The following SLC4A4 variants were observed in gnomAD, a reference collection of about 807,000 sequenced individuals.
SLC4A4 encodes the protein solute carrier family 4 member 4, also known as electrogenic sodium bicarbonate cotransporter 1.
In SLC4A4, 27 loss-of-function variants were observed where a neutral mutation model predicts 111.5. That is an observed-to-expected ratio of 0.24 (90% CI 0.18 to 0.33). The LOEUF (loss-of-function observed/expected upper bound fraction) is 0.33. Among genes scored for constraint, SLC4A4 ranks in the 10% least tolerant of loss-of-function variants. The probability of loss-of-function intolerance (pLI) is 1.00; values close to 1 mark genes in which losing one functional copy is unlikely to be tolerated. For synonymous variants in SLC4A4, 443 were observed against 463.4 expected (o/e 0.96, Z 0.57); for missense variants, 909 against 1,315.5 (o/e 0.69, Z 4.78).
At chr4:71,286,113 G>A (rs961279212) in intron 3 of SLC4A4, among the ~76,000 whole-genome samples, 12 of 152,102 alleles carry the variant, frequency 7.9e-5, no homozygotes, top group South Asian at 4.1e-4. Flanking sequence ...GGTGGCGGGC[G>A]CCTATAGTCC....
At chr4:71,369,183 G>T (rs187804902) in intron 6 of SLC4A4, among the ~76,000 whole-genome samples, 2 of 152,186 alleles carry the variant, frequency 1.3e-5, no homozygotes, top group Non-Finnish European at 2.9e-5. Flanking sequence ...GGCGGTGGTC[G>T]GGAGAGGGAG....
At chr4:71,101,033 G>A (rs1006003959) in intron 2 of SLC4A4, among the ~76,000 whole-genome samples, 46 of 152,344 alleles carry the variant, frequency 3.0e-4, no homozygotes, top group African/African-American at 1.1e-3. Flanking sequence ...GCTGAGGCAG[G>A]TGGATCACGA....
chr4:71,251,792 T>C (rs1721088487), intron 2 of SLC4A4, among the ~76,000 whole-genome samples: 1 of 152,186 alleles, frequency 6.6e-6, no homozygotes, highest in South Asian at 2.1e-4. Context: ...CCACTCCTCC[T>C]TTTTACATTA....
At chr4:71,077,164 CTTT>C (rs746128471) in intron 1 of SLC4A4, among the ~76,000 whole-genome samples, 2 of 142,066 alleles carry the variant, frequency 1.4e-5, no homozygotes, top group African/African-American at 2.6e-5. Flanking sequence ...AGAGTATGTA[CTTT>C]TTTTTTTTTT....
At chr4:71,499,204 G>GTATA (rs1480179286) in intron 16 of SLC4A4, among the ~76,000 whole-genome samples, 1 of 151,998 alleles carries the variant, frequency 6.6e-6, no homozygotes, top group Non-Finnish European at 1.5e-5. Context: ...TATAATTTAA[G>GTATA]TATAGTAAGT....
intron 1 of SLC4A4, among the ~76,000 whole-genome samples, chr4:71,226,227 T>C (rs1032171418): frequency 2.0e-5 from 3 of 152,224 alleles, no homozygotes; most frequent in Non-Finnish European, 4.4e-5. Flanking sequence ...CACTACAGCC[T>C]CAAAGCTCCT....
At chr4:71,310,083 A>G (rs1726017923) in intron 3 of SLC4A4, among the ~76,000 whole-genome samples, 1 of 151,908 alleles carries the variant, frequency 6.6e-6, no homozygotes, top group African/African-American at 2.4e-5. Context: ...AAAGGATATC[A>G]GAGATTGAAG....
rs577929712 is a variant in SLC4A4, at chr4:71,569,863, A to G, written c.*2112A>G. On this transcript the variant is annotated 3_prime_UTR_variant, in exon 26 of 26. Coordinates refer to ENST00000264485, the MANE Select transcript of SLC4A4 (RefSeq NM_001098484.3). ...TACAAATTAGTCAATAATGACCCCA[A>G]TTTTTTCATTAAAATAATAGTGGTG... 2.2e-4 allele frequency: 33 copies of G among 151,778 alleles called. 1 individual carries two copies. Among genetic ancestry groups the G allele is most frequent in the African/African-American group, 7.7e-4 (32 of 41,470 alleles). The allele number at this position is 151,778 out of a possible 1,614,324, so 9.4% of individuals were successfully genotyped here.
At chr4:71,405,903 A>G (rs1720798368) in intron 7 of SLC4A4, among the ~76,000 whole-genome samples, 1 of 152,132 alleles carries the variant, frequency 6.6e-6, no homozygotes, top group African/African-American at 2.4e-5. Context: ...CGAGCTGGCT[A>G]ATCACTTGTA....
intron 14 of SLC4A4, among the ~76,000 whole-genome samples, chr4:71,478,450 C>T (rs938307485): frequency 1.9e-4 from 29 of 151,848 alleles, no homozygotes; most frequent in Admixed American, 1.9e-3. Flanking sequence ...GAGTTCATGT[C>T]CTTTGCAGGG....
In SLC4A4 at chr4:71,406,275, G is replaced by C. The variant is rs1021875758; in HGVS notation, c.807+8622G>C. On this transcript the variant is annotated intron_variant, in intron 7 of 25. Transcript: ENST00000264485. ...TATGGAGTGCTTTATTAGGAGCTTT[G>C]AAGGAGTGTTGTCAACTGAAATGGC... 5.3e-5 allele frequency among the ~76,000 whole-genome samples: 8 copies of C among 151,868 alleles called. No individual in the cohort carries two copies. In the East Asian group the frequency reaches 1.5e-3, roughly 29 times the overall value.
chr4:71,514,894 C>A (rs865852954), intron 16 of SLC4A4, among the ~76,000 whole-genome samples: 1 of 151,938 alleles, frequency 6.6e-6, no homozygotes, highest in Non-Finnish European at 1.5e-5. Context: ...CTTGTTTAGT[C>A]TAGCTAGCAG....
Position 71,570,714 on chromosome 4 carries a change from T to C in SLC4A4, c.*2963T>C, listed in dbSNP as rs1412685802. The C allele has an allele frequency of 6.6e-6, 1 of 152,216 alleles. No individual in the cohort carries two copies. Among genetic ancestry groups the C allele is most frequent in the Non-Finnish European group, 1.5e-5 (1 of 67,870 alleles). The allele number at this position is 152,216 out of a possible 1,614,324, so 9.4% of individuals were successfully genotyped here. A position where few individuals can be genotyped will look rare whatever the true frequency, so the allele number is the denominator to read the frequency against. On this transcript the variant is annotated 3_prime_UTR_variant, in exon 26 of 26. Transcript: ENST00000264485. ...AGAAACACTGTTGGAAGAAAAGAGA[T>C]GACTAAGTCAAGTGTCTGCCTTATC...
chr4:71,250,143 TA>T (rs5859257), intron 2 of SLC4A4, among the ~76,000 whole-genome samples: 42 of 151,100 alleles, frequency 2.8e-4, no homozygotes, highest in African/African-American at 9.5e-4. Flanking sequence ...CTTTTCTTAA[TA>T]AAAAAAAATA....
At chr4:71,183,530 G>A (rs1432108494), upstream of SLC4A4, among the ~76,000 whole-genome samples, 3 of 152,140 alleles carry the variant, frequency 2.0e-5, no homozygotes, top group Non-Finnish European at 2.9e-5. Context: ...GAATACTCTT[G>A]GAGTGTAAGT....
chr4:71,127,015 A>G (rs1743579337), intron 2 of SLC4A4, among the ~76,000 whole-genome samples: 1 of 152,222 alleles, frequency 6.6e-6, no homozygotes. Context: ...CAGCCTAGAA[A>G]CCACATAAAT....
At chr4:71,350,565 G>A (rs934848256) in intron 5 of SLC4A4, among the ~76,000 whole-genome samples, 1 of 152,060 alleles carries the variant, frequency 6.6e-6, no homozygotes, top group East Asian at 1.9e-4. Flanking sequence ...CATGAAAAGT[G>A]TGGGGCTTCT....
intron 6 of SLC4A4, among the ~76,000 whole-genome samples, chr4:71,378,112 C>G (rs1249661129): frequency 1.3e-5 from 2 of 152,160 alleles, no homozygotes; most frequent in Non-Finnish European, 2.9e-5. Context: ...TCCCACAACA[C>G]ATGGGAATTC....
intron 6 of SLC4A4, among the ~76,000 whole-genome samples, chr4:71,378,487 A>G (rs1371719744): frequency 5.3e-5 from 8 of 152,108 alleles, no homozygotes; most frequent in Non-Finnish European, 2.9e-5. Flanking sequence ...CTTCTGAAGT[A>G]TACTACATTA....
Sources: gnomAD v4.1 joint callset for allele counts (sites outside exome capture counted in the v4.1 genomes callset) on GRCh38, gnomAD v4.1.1 for gene constraint, MANE v1.5 for transcripts, NCBI Gene and HGNC (gene_info 2026-07-23, HGNC 2026-07-21) for gene names.